Variants in ZNF475 observed in about 807,000 individuals in gnomAD.
ZNF475 encodes zinc finger protein 475.
At chr5:122,179,517 G>C in the ZNF475 span, 2 of 1,121,732 alleles carry the variant, frequency 1.8e-6, no homozygotes, top group Admixed American at 2.6e-5. Context: ...GTGAATGGGA[G>C]TTCACTCATG....
chr5:122,177,115 G>A, the ZNF475 span, among the ~76,000 whole-genome samples: 1 of 152,190 alleles, frequency 6.6e-6, no homozygotes, highest in African/African-American at 2.4e-5. Context: ...AGCGACTGTG[G>A]TACAATCACT....
the ZNF475 span, among the ~76,000 whole-genome samples, chr5:122,160,765 C>T: frequency 1.3e-5 from 2 of 152,170 alleles, no homozygotes; most frequent in Non-Finnish European, 1.5e-5. Context: ...GTTAATCTAA[C>T]TTAATTTCAT....
chr5:122,164,196 GA>G, the ZNF475 span, among the ~76,000 whole-genome samples: 527 of 152,286 alleles, frequency 3.5e-3, 5 homozygotes, highest in African/African-American at 0.012. Flanking sequence ...AGAGGGATTA[GA>G]AAAATAGGCA....
chr5:122,179,830 A>G, the ZNF475 span: 2 of 841,748 alleles, frequency 2.4e-6, no homozygotes, highest in Non-Finnish European at 3.4e-6. Context: ...CAAACGACCA[A>G]AATCAACAAC....
At chr5:122,180,097 T>C in the ZNF475 span, 2 of 152,900 alleles carry the variant, frequency 1.3e-5, no homozygotes, top group East Asian at 1.9e-4. Context: ...AAAAAAAACC[T>C]TTGGGAACAT....
At chr5:122,178,898 G>C in the ZNF475 span, among the ~76,000 whole-genome samples, 1 of 152,074 alleles carries the variant, frequency 6.6e-6, no homozygotes, top group African/African-American at 2.4e-5. Flanking sequence ...CATCCATCTT[G>C]ACTTAATTTT....
chr5:122,179,144 G>T, the ZNF475 span, among the ~76,000 whole-genome samples: 1 of 152,134 alleles, frequency 6.6e-6, no homozygotes, highest in South Asian at 2.1e-4. Flanking sequence ...CTGTAGTCTT[G>T]TAGTATAGTT....
the ZNF475 span, chr5:122,179,780 C>A: frequency 2.3e-6 from 3 of 1,281,328 alleles, no homozygotes; most frequent in Non-Finnish European, 3.1e-6. Context: ...ACTTTTCTCT[C>A]TAAACTAATA....
chr5:122,174,045 C>T, the ZNF475 span, among the ~76,000 whole-genome samples: 1 of 152,196 alleles, frequency 6.6e-6, no homozygotes, highest in African/African-American at 2.4e-5. Context: ...ATAGACAGGG[C>T]CCCCTGCCCT....
chr5:122,162,099 CAATT>C, the ZNF475 span: 4 of 151,940 alleles, frequency 2.6e-5, no homozygotes, highest in Non-Finnish European at 4.4e-5. Context: ...TCAAGATTAA[CAATT>C]AAATAACTAA....
chr5:122,171,177 C>T, the ZNF475 span, among the ~76,000 whole-genome samples: 1 of 151,908 alleles, frequency 6.6e-6, no homozygotes, highest in Non-Finnish European at 1.5e-5. Context: ...AAGGAATTTG[C>T]AGAAAATAAT....
the ZNF475 span, among the ~76,000 whole-genome samples, chr5:122,166,785 G>A: frequency 6.6e-6 from 1 of 152,182 alleles, no homozygotes; most frequent in Non-Finnish European, 1.5e-5. Flanking sequence ...TGTGAATAGT[G>A]CTGCAATAAA....
chr5:122,164,283 GTGGTATAC>G, the ZNF475 span, among the ~76,000 whole-genome samples: 1 of 152,212 alleles, frequency 6.6e-6, no homozygotes, highest in Non-Finnish European at 1.5e-5. Flanking sequence ...GGTAGAGCTT[GTGGTATAC>G]TAGAGAGTAA....
the ZNF475 span, among the ~76,000 whole-genome samples, chr5:122,168,480 G>A: frequency 6.6e-6 from 1 of 152,190 alleles, no homozygotes; most frequent in Non-Finnish European, 1.5e-5. Flanking sequence ...TGAGGCCAAG[G>A]TGGATGGATC....
the ZNF475 span, among the ~76,000 whole-genome samples, chr5:122,175,398 G>A: frequency 6.6e-6 from 1 of 152,092 alleles, no homozygotes; most frequent in Non-Finnish European, 1.5e-5. Context: ...ATTTATTTCT[G>A]TTTTCATGCC....
At chr5:122,168,334 G>A in the ZNF475 span, among the ~76,000 whole-genome samples, 4 of 135,616 alleles carry the variant, frequency 2.9e-5, no homozygotes, top group Non-Finnish European at 6.0e-5. Context: ...CACTACACCT[G>A]GCCACATTCA....
chr5:122,182,563 G>A, the ZNF475 span: 2 of 1,535,444 alleles, frequency 1.3e-6, no homozygotes, highest in Non-Finnish European at 1.7e-6. Flanking sequence ...TTGGTTCCCT[G>A]TAATGTTTGT....
At chr5:122,179,220 C>G in the ZNF475 span, among the ~76,000 whole-genome samples, 4 of 152,188 alleles carry the variant, frequency 2.6e-5, no homozygotes, top group South Asian at 8.3e-4. Context: ...CTTAGTTATA[C>G]GAGCTCTTTT....
the ZNF475 span, chr5:122,179,747 A>C: frequency 1.7e-5 from 25 of 1,479,926 alleles, no homozygotes; most frequent in South Asian, 2.3e-4. Context: ...TCCTAGAAAA[A>C]AGATTTGAGT....
Sources: allele counts gnomAD v4.1 joint callset (sites outside exome capture counted in the v4.1 genomes callset), GRCh38; gene constraint gnomAD v4.1.1; transcripts MANE v1.5; gene names NCBI Gene and HGNC (gene_info 2026-07-23, HGNC 2026-07-21).